NXPE2: variants seen among roughly 807,000 people sequenced by gnomAD.
NXPE2 encodes NXPE family member 2.
Under a neutral mutation model 34.4 loss-of-function variants are expected in NXPE2, and 34 were observed. The ratio of observed to expected loss-of-function variants is 0.99; its 90% CI spans 0.75 to 1.31. NXPE2 has a LOEUF of 1.31. Ranked by LOEUF, NXPE2 falls within the 40% of genes most tolerant of loss-of-function variation. The probability of loss-of-function intolerance (pLI) is 0.00; values close to 1 mark genes in which losing one functional copy is unlikely to be tolerated. For missense variants in NXPE2, 649 were observed against 672.5 expected, an observed-to-expected ratio of 0.97 and a Z score of 0.39; for synonymous variants, 235 against 231.3, an observed-to-expected ratio of 1.02 and a Z score of -0.15.
At chr11:114,607,700 T>C in the NXPE2 span, among the ~76,000 whole-genome samples, 6 of 148,342 alleles carry the variant, frequency 4.0e-5, no homozygotes, top group African/African-American at 1.2e-4. Flanking sequence ...CCACTGTTAC[T>C]TGGTGGATAA....
the NXPE2 span, among the ~76,000 whole-genome samples, chr11:114,799,127 T>A: frequency 1.3e-5 from 2 of 152,192 alleles, no homozygotes; most frequent in Non-Finnish European, 2.9e-5. Flanking sequence ...CCTAAGGATT[T>A]CCTTAGTAAC....
rs947241059 is a variant in NXPE2 at position 114,706,390 on chromosome 11, A to G, written c.1145-5A>G. 28 of 1,517,200 alleles carry G rather than the reference A, an allele frequency of 1.8e-5. No homozygotes were observed. The highest frequency in any genetic ancestry group is 2.4e-5 in the Non-Finnish European group (27 of 1,132,772). 94.0% of individuals were successfully genotyped at this position (1,517,200 alleles called of 1,614,324 possible). A position where few individuals can be genotyped will look rare whatever the true frequency, so the allele number is the denominator to read the frequency against. On this transcript the variant is annotated splice_polypyrimidine_tract_variant and splice_region_variant and intron_variant, in intron 5 of 5. Transcript: ENST00000389586. ...TAAAATATTTATTGATTTGTCTTTC[A>G]TCAGCCCTAAAATATTTTGATCATC...
the NXPE2 span, among the ~76,000 whole-genome samples, chr11:114,811,105 T>C: frequency 2.2e-4 from 32 of 145,446 alleles, no homozygotes; most frequent in African/African-American, 7.4e-4. Flanking sequence ...AAACACCGCA[T>C]GTTCTTGCTC....
chr11:114,524,197 C>T, the NXPE2 span, among the ~76,000 whole-genome samples: 584 of 152,212 alleles, frequency 3.8e-3, 5 homozygotes, highest in African/African-American at 0.013. Context: ...TAGAAGTTTC[C>T]CACTTGCACT....
chr11:114,524,478 A>G, the NXPE2 span, among the ~76,000 whole-genome samples: 1 of 152,220 alleles, frequency 6.6e-6, no homozygotes, highest in Non-Finnish European at 1.5e-5. Context: ...AGAATTGGAA[A>G]GTGCACTTGG....
chr11:114,772,476 C>T, the NXPE2 span, among the ~76,000 whole-genome samples: 1 of 152,102 alleles, frequency 6.6e-6, no homozygotes, highest in South Asian at 2.1e-4. Context: ...AATAATACTG[C>T]TTAATATTCA....
the NXPE2 span, among the ~76,000 whole-genome samples, chr11:114,593,324 T>C: frequency 2.6e-5 from 4 of 152,094 alleles, no homozygotes; most frequent in Non-Finnish European, 2.9e-5. Context: ...CAACCAACTC[T>C]ATAGCAAAAA....
the NXPE2 span, among the ~76,000 whole-genome samples, chr11:114,714,322 C>G: frequency 6.6e-6 from 1 of 152,148 alleles, no homozygotes; most frequent in Non-Finnish European, 1.5e-5. Context: ...TGTTCTTGTT[C>G]ATTCTTGTTC....
At chr11:114,790,790 A>G in the NXPE2 span, among the ~76,000 whole-genome samples, 2 of 151,682 alleles carry the variant, frequency 1.3e-5, no homozygotes, top group Non-Finnish European at 2.9e-5. Context: ...TTGATTTATG[A>G]AAAAAGGAAG....
chr11:114,632,597 G>A, the NXPE2 span, among the ~76,000 whole-genome samples: 8 of 99,484 alleles, frequency 8.0e-5, no homozygotes, highest in Admixed American at 1.7e-4. Context: ...GTATATTGAT[G>A]TATATATTTA....
chr11:114,683,879 A>C (rs373404973), intron 2 of NXPE2, among the ~76,000 whole-genome samples: 16 of 152,300 alleles, frequency 1.1e-4, no homozygotes, highest in Middle Eastern at 3.4e-3. Context: ...TTGGCCTATA[A>C]TTGACAGTAA....
chr11:114,695,793 C>T (rs559561169), intron 2 of NXPE2, among the ~76,000 whole-genome samples: 12 of 148,012 alleles, frequency 8.1e-5, no homozygotes, highest in Non-Finnish European at 1.8e-4. Flanking sequence ...AAGTTCGCGA[C>T]CAGCCTGACC....
the NXPE2 span, among the ~76,000 whole-genome samples, chr11:114,763,715 A>G: frequency 1.3e-5 from 2 of 152,230 alleles, no homozygotes; most frequent in Admixed American, 1.3e-4. Context: ...CTAATTAATT[A>G]AAGTTGGGAG....
At chr11:114,730,928 T>C in the NXPE2 span, among the ~76,000 whole-genome samples, 1 of 152,182 alleles carries the variant, frequency 6.6e-6, no homozygotes, top group African/African-American at 2.4e-5. Context: ...TCCAGTATCA[T>C]GTTGATAGGA....
the NXPE2 span, among the ~76,000 whole-genome samples, chr11:114,622,561 G>A: frequency 6.6e-5 from 10 of 151,850 alleles, no homozygotes; most frequent in South Asian, 4.2e-4. Flanking sequence ...GTATTGCCTC[G>A]TGGGTAACCA....
At chr11:114,527,814 C>T in the NXPE2 span, 3 of 1,560,890 alleles carry the variant, frequency 1.9e-6, no homozygotes, top group African/African-American at 1.4e-5. Flanking sequence ...CTGAGCATCA[C>T]CTAACTCAGG....
At chr11:114,773,284 C>CG in the NXPE2 span, among the ~76,000 whole-genome samples, 21 of 83,778 alleles carry the variant, frequency 2.5e-4, 1 homozygote, top group South Asian at 1.7e-3. Flanking sequence ...CTCCCACCCC[C>CG]CCCCCACCCC....
At position 114,678,562 on chromosome 11, in the gene NXPE2, G is replaced by A; in HGVS notation, c.-14G>A. The A allele has an allele frequency of 6.5e-7, 1 of 1,545,600 alleles. No individual in the cohort carries two copies. ...AGTCTCTGGACACTATAATTCCTGTGAGAACACGAGAAGATGGTGGAGAAA... is the reference window on the plus strand; with the variant it reads ...AGTCTCTGGACACTATAATTCCTGTAAGAACACGAGAAGATGGTGGAGAAA... On this transcript the variant is annotated 5_prime_UTR_variant, in exon 1 of 6. Coordinates refer to ENST00000389586, the MANE Select transcript of NXPE2 (RefSeq NM_182495.6).
the NXPE2 span, among the ~76,000 whole-genome samples, chr11:114,471,404 CAA>C: frequency 1.3e-5 from 2 of 152,102 alleles, no homozygotes; most frequent in South Asian, 4.2e-4. Flanking sequence ...TTTTACAGAT[CAA>C]GTATGCAAAA....
Sources: gnomAD v4.1 joint callset for allele counts (sites outside exome capture counted in the v4.1 genomes callset) on GRCh38, gnomAD v4.1.1 for gene constraint, MANE v1.5 for transcripts, NCBI Gene and HGNC (gene_info 2026-07-23, HGNC 2026-07-21) for gene names.